UBE2D2: variants seen among roughly 807,000 people sequenced by gnomAD.
The protein encoded by UBE2D2 is ubiquitin-conjugating enzyme E2 D2.
A neutral mutation model predicts 24.2 loss-of-function variants in UBE2D2; 2 were observed. The ratio of observed to expected loss-of-function variants is 0.08; its 90% CI spans 0.03 to 0.26. The LOEUF is 0.26. Ranked by LOEUF, UBE2D2 falls within the 10% of genes least tolerant of loss-of-function variation. The probability of loss-of-function intolerance (pLI) is 1.00; values close to 1 mark genes in which losing one functional copy is unlikely to be tolerated. For missense variants in UBE2D2, 44 were observed against 177.6 expected (o/e 0.25, Z 4.28); for synonymous variants, 58 against 56.5 (o/e 1.03, Z -0.12).
Position 139,561,524 on chromosome 5 carries a change from A to C in UBE2D2, c.-268A>C, listed in dbSNP as rs1479595604. 1.7e-5 allele frequency: 7 copies of C among 406,246 alleles called. No homozygotes were observed. The highest frequency in any genetic ancestry group is 2.6e-5 in the Non-Finnish European group (6 of 229,636). The allele number at this position is 406,246 out of a possible 1,614,324, so 25.2% of individuals were successfully genotyped here. A position where few individuals can be genotyped will look rare whatever the true frequency, so the allele number is the denominator to read the frequency against. ...GGAGGCGGCGCTGATCCTGGGAGGA[A>C]GAGGCAGCTACGGCGGCGGCGGCGG... On this transcript the variant is annotated 5_prime_UTR_variant, in exon 1 of 7. Coordinates refer to ENST00000398733, the MANE Select transcript of UBE2D2 (RefSeq NM_003339.3).
intron 1 of UBE2D2, among the ~76,000 whole-genome samples, chr5:139,535,843 A>G (rs1425956571): frequency 6.6e-6 from 1 of 152,172 alleles, no homozygotes; most frequent in African/African-American, 2.4e-5. Context: ...TTCAACAATT[A>G]CTAACTGTGA....
At chr5:139,555,629 AAGAATCT>A (rs1198884714) in intron 1 of UBE2D2, among the ~76,000 whole-genome samples, 1 of 152,130 alleles carries the variant, frequency 6.6e-6, no homozygotes, top group African/African-American at 2.4e-5. Flanking sequence ...CTCCTACTTT[AAGAATCT>A]AGAAAAACGG....
chr5:139,559,934 G>C (rs567172323), upstream of UBE2D2, among the ~76,000 whole-genome samples: 55 of 152,106 alleles, frequency 3.6e-4, no homozygotes, highest in African/African-American at 1.3e-3. Flanking sequence ...TAGGTGCTCA[G>C]TGATTTAGCT....
chr5:139,604,250 C>T (rs1754147408), intron 2 of UBE2D2, among the ~76,000 whole-genome samples: 1 of 150,918 alleles, frequency 6.6e-6, no homozygotes, highest in Non-Finnish European at 1.5e-5. Flanking sequence ...AAGCAGTTCT[C>T]CTGCCTCAGC....
intron 1 of UBE2D2, among the ~76,000 whole-genome samples, chr5:139,539,584 C>T (rs567456800): frequency 6.6e-6 from 1 of 152,074 alleles, no homozygotes; most frequent in Non-Finnish European, 1.5e-5. Context: ...ATTGTACCAA[C>T]ATCAATTTCC....
Position 139,569,526 on chromosome 5 carries a change from A to G in UBE2D2, c.24+7711A>G, listed in dbSNP as rs1753307836. The stretch of plus-strand genomic sequence containing the variant: ...CTTTGCAGCCTCATCCCAGAAATGC[A>G]GAAACACACTTGTTTTGTCTGTAGA... On this transcript the variant is annotated intron_variant, in intron 1 of 6. Coordinates refer to ENST00000398733, the MANE Select transcript of UBE2D2 (RefSeq NM_003339.3). 2.6e-5 allele frequency among the ~76,000 whole-genome samples: 4 copies of G among 152,220 alleles called. No individual in the cohort carries two copies. The South Asian group carries it at 8.3e-4, about 32-fold the overall frequency.
At chr5:139,602,452 A>G (rs1754099435) in intron 2 of UBE2D2, among the ~76,000 whole-genome samples, 1 of 152,182 alleles carries the variant, frequency 6.6e-6, no homozygotes, top group Non-Finnish European at 1.5e-5. Context: ...TGAGGCAGGC[A>G]GATCACTTGA....
intron 1 of UBE2D2, among the ~76,000 whole-genome samples, chr5:139,544,197 T>C (rs1752795782): frequency 6.7e-6 from 1 of 149,562 alleles, no homozygotes; most frequent in East Asian, 1.9e-4. Context: ...AGAGATGAGG[T>C]CTTGAGACGT....
chr5:139,584,012 T>A (rs1016454813), intron 1 of UBE2D2, among the ~76,000 whole-genome samples: 4 of 152,120 alleles, frequency 2.6e-5, no homozygotes, highest in African/African-American at 7.2e-5. Context: ...ATAGCCTGAG[T>A]GTACAGTGTT....
At chr5:139,551,060 C>T (rs529364131) in intron 1 of UBE2D2, among the ~76,000 whole-genome samples, 68 of 152,166 alleles carry the variant, frequency 4.5e-4, no homozygotes, top group African/African-American at 1.2e-3. Context: ...AATATTTCAC[C>T]GGCGGGGGAG....
intron 1 of UBE2D2, among the ~76,000 whole-genome samples, chr5:139,570,317 C>T (rs1350649648): frequency 1.3e-5 from 2 of 152,090 alleles, no homozygotes; most frequent in Non-Finnish European, 2.9e-5. Context: ...ATTTGGTGTT[C>T]TATTCTCACC....
chr5:139,559,738 T>A (rs1753032936), upstream of UBE2D2, among the ~76,000 whole-genome samples: 1 of 152,160 alleles, frequency 6.6e-6, no homozygotes, highest in Non-Finnish European at 1.5e-5. Context: ...GAATCAATGA[T>A]CTGCAAGGTC....
chr5:139,612,817 T>G (rs1581529634), intron 2 of UBE2D2, among the ~76,000 whole-genome samples: 1 of 152,210 alleles, frequency 6.6e-6, no homozygotes, highest in East Asian at 1.9e-4. Flanking sequence ...GTTTTTAATT[T>G]TTTTCAGAAA....
intron 1 of UBE2D2, among the ~76,000 whole-genome samples, chr5:139,576,010 G>C (rs940609011): frequency 1.6e-4 from 24 of 152,174 alleles, no homozygotes; most frequent in Non-Finnish European, 3.1e-4. Flanking sequence ...GACAGAGCGA[G>C]ATCCTGACTC....
intron 1 of UBE2D2, among the ~76,000 whole-genome samples, chr5:139,588,662 A>G (rs779981117): frequency 5.3e-5 from 8 of 152,226 alleles, no homozygotes; most frequent in Admixed American, 2.0e-4. Flanking sequence ...TACCTAGAGA[A>G]AATATTGTAA....
chr5:139,590,262 C>G (rs916283713), intron 1 of UBE2D2, among the ~76,000 whole-genome samples: 1 of 151,792 alleles, frequency 6.6e-6, no homozygotes, highest in Non-Finnish European at 1.5e-5. Context: ...TGATGAAACC[C>G]CGTCTCTACT....
intron 1 of UBE2D2, among the ~76,000 whole-genome samples, chr5:139,536,129 C>T (rs1053249284): frequency 4.3e-4 from 65 of 151,220 alleles, no homozygotes; most frequent in African/African-American, 1.4e-3. Context: ...GACTGAGTTT[C>T]GCTGTTGTTG....
intron 2 of UBE2D2, among the ~76,000 whole-genome samples, chr5:139,614,061 CAAA>C (rs34610126): frequency 1.2e-4 from 11 of 89,206 alleles, no homozygotes; most frequent in Admixed American, 1.2e-4. Context: ...GACTCTGTCT[CAAA>C]AAAAAAAAAA....
intron 1 of UBE2D2, among the ~76,000 whole-genome samples, chr5:139,540,040 C>T (rs1752735011): frequency 1.3e-5 from 2 of 152,090 alleles, no homozygotes; most frequent in Admixed American, 1.3e-4. Flanking sequence ...CTGCCTCAGC[C>T]TCCCGAGTAG....
Sources: gnomAD v4.1 joint callset for allele counts (sites outside exome capture counted in the v4.1 genomes callset) on GRCh38, gnomAD v4.1.1 for gene constraint, MANE v1.5 for transcripts, NCBI Gene and HGNC (gene_info 2026-07-23, HGNC 2026-07-21) for gene names.